Variants in GPD2 observed in about 807,000 individuals in gnomAD.
GPD2 encodes glycerol-3-phosphate dehydrogenase, mitochondrial.
Under a neutral mutation model 82.4 loss-of-function variants are expected in GPD2, and 54 were observed. The observed-to-expected ratio is 0.66, with a 90% CI of 0.53 to 0.82. The LOEUF is 0.82. Among genes scored for constraint, GPD2 ranks in the 40% least tolerant of loss-of-function variants. The pLI is 0.00. For missense variants in GPD2, 748 were observed against 896.2 expected (o/e 0.83, Z 2.11); for synonymous variants, 288 against 306.1 (o/e 0.94, Z 0.62).
At chr2:156,563,685 A>G (rs111850900) in intron 9 of GPD2, among the ~76,000 whole-genome samples, 5 of 152,300 alleles carry the variant, frequency 3.3e-5, no homozygotes, top group African/African-American at 1.2e-4. Context: ...TCTCATGAGC[A>G]AAGGAAGTGC....
At chr2:156,450,666 T>TACTC (rs1491356442) in intron 1 of GPD2, among the ~76,000 whole-genome samples, 1 of 3,848 alleles carries the variant, frequency 2.6e-4, no homozygotes, top group Non-Finnish European at 3.3e-3. Flanking sequence ...TAGACAACTC[T>TACTC]TTTTTTTTTT....
intron 6 of GPD2, among the ~76,000 whole-genome samples, chr2:156,517,238 A>G (rs1216631173): frequency 6.6e-6 from 1 of 152,202 alleles, no homozygotes; most frequent in Non-Finnish European, 1.5e-5. Context: ...GATTACAGGC[A>G]TGAGCCACTT....
At chr2:156,483,987 C>CTTTTTTTTTTTTTTTTTTTTTTTTTT (rs10610989) in intron 2 of GPD2, among the ~76,000 whole-genome samples, 1 of 92,294 alleles carries the variant, frequency 1.1e-5, no homozygotes, top group Non-Finnish European at 2.2e-5. Flanking sequence ...TGCTTGCTTG[C>CTTTTTTTTTTTTTTTTTTTTTTTTTT]TTTTTTTTTT....
chr2:156,473,088 G>T (rs943889492), intron 1 of GPD2, among the ~76,000 whole-genome samples: 1 of 152,154 alleles, frequency 6.6e-6, no homozygotes, highest in Non-Finnish European at 1.5e-5. Flanking sequence ...AAAGTCAAAT[G>T]AAACTGGCTG....
At chr2:156,426,726 G>T in the GPD2 span, among the ~76,000 whole-genome samples, 1 of 152,050 alleles carries the variant, frequency 6.6e-6, no homozygotes, top group Non-Finnish European at 1.5e-5. Flanking sequence ...GAAGCCTTTT[G>T]TCCTTATATA....
intron 6 of GPD2, among the ~76,000 whole-genome samples, chr2:156,538,075 T>C (rs902020257): frequency 2.6e-5 from 4 of 152,256 alleles, no homozygotes; most frequent in Non-Finnish European, 1.5e-5. Context: ...GTATAAACTT[T>C]CTTTTCATGT....
the GPD2 span, among the ~76,000 whole-genome samples, chr2:156,412,853 C>G: frequency 6.6e-6 from 1 of 152,142 alleles, no homozygotes; most frequent in Non-Finnish European, 1.5e-5. Context: ...TCTCAGCACT[C>G]TGAGAGGCTG....
chr2:156,536,371 G>A (rs188360008), intron 6 of GPD2, among the ~76,000 whole-genome samples: 19 of 152,232 alleles, frequency 1.2e-4, no homozygotes, highest in Admixed American at 1.1e-3. Flanking sequence ...TGATTCTTAG[G>A]CTTTGGTTCT....
intron 2 of GPD2, among the ~76,000 whole-genome samples, chr2:156,484,723 C>T (rs971835287): frequency 6.6e-6 from 1 of 152,006 alleles, no homozygotes; most frequent in Non-Finnish European, 1.5e-5. Context: ...GCCTATAATC[C>T]CAGCTACTCA....
intron 3 of GPD2, among the ~76,000 whole-genome samples, chr2:156,500,818 TTTTCATTTG>T (rs1297504818): frequency 1.3e-5 from 2 of 152,206 alleles, no homozygotes; most frequent in Non-Finnish European, 2.9e-5. Context: ...TGGGAATCAA[TTTTCATTTG>T]TTTCATTTGG....
rs569808538 is a variant in GPD2, at chr2:156,465,556, G to A, written c.-8-10542G>A. Among the ~76,000 whole-genome samples the A allele has an allele frequency of 4.4e-4, 67 of 151,822 alleles. 1 individual carries two copies. Among genetic ancestry groups the A allele is most frequent in the Admixed American group, 1.4e-3 (22 of 15,228 alleles). ...AAAAAGATTTTTTCTGTAGAGACAG[G>A]GTCTCGCTTCCCAGGTTGGTCTTGA... On this transcript the variant is annotated intron_variant, in intron 1 of 16. Transcript: ENST00000438166.
intron 6 of GPD2, among the ~76,000 whole-genome samples, chr2:156,516,438 T>A (rs908667434): frequency 6.6e-6 from 1 of 152,182 alleles, no homozygotes; most frequent in African/African-American, 2.4e-5. Context: ...ACTTTTAATT[T>A]TAATTAATTA....
the GPD2 span, among the ~76,000 whole-genome samples, chr2:156,415,890 G>T: frequency 1.0e-5 from 1 of 98,196 alleles, no homozygotes; most frequent in Non-Finnish European, 2.6e-5. Flanking sequence ...GCGTAGTGGC[G>T]GGCGCCTGTA....
intron 1 of GPD2, among the ~76,000 whole-genome samples, chr2:156,438,531 T>C (rs1573866840): frequency 6.6e-6 from 1 of 152,196 alleles, no homozygotes; most frequent in East Asian, 1.9e-4. Flanking sequence ...GAGTTAGTGG[T>C]AGCTATGGTT....
chr2:156,413,848 G>A, the GPD2 span, among the ~76,000 whole-genome samples: 2 of 152,194 alleles, frequency 1.3e-5, no homozygotes, highest in African/African-American at 4.8e-5. Context: ...AGGTTGTGGT[G>A]AGCCAAGATC....
At chr2:156,420,240 C>T in the GPD2 span, among the ~76,000 whole-genome samples, 14 of 152,026 alleles carry the variant, frequency 9.2e-5, no homozygotes, top group African/African-American at 3.1e-4. Context: ...GGCGTGATCT[C>T]GGCTCACTGC....
At chr2:156,481,330 G>A (rs1431107362) in intron 2 of GPD2, among the ~76,000 whole-genome samples, 2 of 151,844 alleles carry the variant, frequency 1.3e-5, no homozygotes, top group East Asian at 3.9e-4. Flanking sequence ...ATCCTCTCTT[G>A]TAGCTTTTTG....
rs1353901598 is a variant in GPD2, at chr2:156,585,339, G to A, written c.*2421G>A. ...AGTTGATTCTGTTGGGGTCGGGGTG[G>A]GTATGCAGGGATTGCCTTTTATTAT... On this transcript the variant is annotated 3_prime_UTR_variant, in exon 17 of 17. Coordinates refer to ENST00000438166, the MANE Select transcript of GPD2 (RefSeq NM_000408.5). 1.5e-4 allele frequency: 23 copies of A among 152,168 alleles called. No homozygotes were observed. The highest frequency in any genetic ancestry group is 4.4e-5 in the Non-Finnish European group (3 of 67,896). The allele number at this position is 152,168 out of a possible 1,614,324, so 9.4% of individuals were successfully genotyped here.
upstream of GPD2, among the ~76,000 whole-genome samples, chr2:156,432,072 G>C (rs1013639287): frequency 1.3e-5 from 2 of 151,878 alleles, no homozygotes; most frequent in Admixed American, 6.6e-5. Context: ...TTTTTTACTA[G>C]AGACAAGGTT....
Sources: gnomAD v4.1 joint callset for allele counts (sites outside exome capture counted in the v4.1 genomes callset) on GRCh38, gnomAD v4.1.1 for gene constraint, MANE v1.5 for transcripts, NCBI Gene and HGNC (gene_info 2026-07-23, HGNC 2026-07-21) for gene names.